The following RAPGEF2 variants were observed in gnomAD, a reference collection of about 807,000 sequenced individuals.
The protein encoded by RAPGEF2 is Rap guanine nucleotide exchange factor 2.
Under a neutral mutation model 186.7 loss-of-function variants are expected in RAPGEF2, and 54 were observed. The observed-to-expected ratio is 0.29, with a 90% CI of 0.23 to 0.36. RAPGEF2 has a LOEUF of 0.36. Among genes scored for constraint, RAPGEF2 ranks in the 10% least tolerant of loss-of-function variants. The pLI is 1.00. For missense variants in RAPGEF2, 1,532 were observed against 2,045.0 expected, an observed-to-expected ratio of 0.75 and a Z score of 4.84; for synonymous variants, 712 against 705.9, an observed-to-expected ratio of 1.01 and a Z score of -0.14.
rs554960314 is a variant in RAPGEF2 at position 159,214,915 on chromosome 4, T to C, written c.281+4332T>C. On this transcript the variant is annotated intron_variant, in intron 4 of 29. Transcript: ENST00000691494. ...TCTTACTCTGTTGTCCAGGCTGGAG[T>C]GTAGTGGCACAATCTCAGCTCACTG... Among the ~76,000 whole-genome samples, 7 of 152,198 alleles carry C rather than the reference T, an allele frequency of 4.6e-5. No homozygotes were observed. The East Asian group carries it at 1.2e-3, about 25-fold the overall frequency.
intron 1 of RAPGEF2, among the ~76,000 whole-genome samples, chr4:159,106,250 CTAAG>C (rs1162839268): frequency 6.6e-6 from 1 of 152,184 alleles, no homozygotes; most frequent in Non-Finnish European, 1.5e-5. Flanking sequence ...TCAAACATTC[CTAAG>C]TGTCAGCCCT....
chr4:159,314,839 A>G, intron 9 of RAPGEF2, 71 bp downstream of exon 9: 1 of 1,387,264 alleles, frequency 7.2e-7, no homozygotes, highest in Non-Finnish European at 9.9e-7. Flanking sequence ...CTGATGAAAT[A>G]GAGCCCAAGA....
intron 7 of RAPGEF2, among the ~76,000 whole-genome samples, chr4:159,256,666 A>G (rs1351434266): frequency 1.3e-5 from 2 of 152,178 alleles, no homozygotes; most frequent in African/African-American, 4.8e-5. Context: ...TCCCACCAAC[A>G]ATGTAAGTGT....
At position 159,116,954 on chromosome 4, in the gene RAPGEF2, G is replaced by A. The variant is rs568370413; in HGVS notation, c.69+12723G>A. Among the ~76,000 whole-genome samples, 3 of 152,132 alleles carry A rather than the reference G, an allele frequency of 2.0e-5. No individual in the cohort carries two copies. In the South Asian group the frequency reaches 6.2e-4, roughly 32 times the overall value. On this transcript the variant is annotated intron_variant, in intron 1 of 29. Transcript: ENST00000691494. ...TTAATAACTAGGTGATGGTTTGATGGGTGCAGCAAACCACCATGGCACACT... is the reference window on the plus strand; with the variant it reads ...TTAATAACTAGGTGATGGTTTGATGAGTGCAGCAAACCACCATGGCACACT...
At chr4:159,187,060 G>T (rs1380944920) in intron 2 of RAPGEF2, among the ~76,000 whole-genome samples, 1 of 152,094 alleles carries the variant, frequency 6.6e-6, no homozygotes, top group Non-Finnish European at 1.5e-5. Context: ...GAATTTTATA[G>T]ATCACTTACT....
intron 4 of RAPGEF2, among the ~76,000 whole-genome samples, chr4:159,218,647 A>G (rs1214511581): frequency 6.6e-6 from 1 of 151,892 alleles, no homozygotes; most frequent in Non-Finnish European, 1.5e-5. Flanking sequence ...AGTCCCAGCT[A>G]CTCGGGAGGA....
chr4:159,351,001 G>A lies in RAPGEF2; in HGVS notation c.3865+712G>A. 4 of 1,466,674 alleles carry A rather than the reference G, an allele frequency of 2.7e-6. No homozygotes were observed. The South Asian group carries it at 4.9e-5, about 18-fold the overall frequency. 90.9% of individuals were successfully genotyped at this position (1,466,674 alleles called of 1,614,324 possible). A position where few individuals can be genotyped will look rare whatever the true frequency, so the allele number is the denominator to read the frequency against. ...ATCTGTGCATTTTGTATGGGTATCA[G>A]TCTCTCCTGTCCTTGTTACATGGAT... On this transcript the variant is annotated intron_variant, in intron 26 of 29. Coordinates refer to ENST00000691494, the MANE Select transcript of RAPGEF2 (RefSeq NM_001394067.2).
chr4:159,120,023 CTTTTT>C (rs1457412437), intron 1 of RAPGEF2, among the ~76,000 whole-genome samples: 2 of 152,066 alleles, frequency 1.3e-5, no homozygotes, highest in Admixed American at 6.6e-5. Context: ...ATCATCATTT[CTTTTT>C]TGTTTGTTTT....
intron 9 of RAPGEF2, among the ~76,000 whole-genome samples, chr4:159,317,187 C>A (rs1207932098): frequency 2.0e-5 from 3 of 151,904 alleles, no homozygotes; most frequent in African/African-American, 2.4e-5. Context: ...CAAAAAAAAA[C>A]CAAAACCTTA....
chr4:159,129,777 A>G (rs960439997), intron 1 of RAPGEF2, among the ~76,000 whole-genome samples: 2 of 152,202 alleles, frequency 1.3e-5, no homozygotes, highest in Non-Finnish European at 2.9e-5. Context: ...AGGGGTCCCA[A>G]TCCGGACCCT....
chr4:159,110,413 C>G (rs957679121), intron 1 of RAPGEF2, among the ~76,000 whole-genome samples: 34 of 152,034 alleles, frequency 2.2e-4, no homozygotes, highest in African/African-American at 8.2e-4. Context: ...CATAGTGAAA[C>G]CCTATCTCTA....
chr4:159,209,125 C>T (rs1750254095), intron 3 of RAPGEF2, among the ~76,000 whole-genome samples: 1 of 148,350 alleles, frequency 6.7e-6, no homozygotes, highest in South Asian at 2.1e-4. Flanking sequence ...CTCCTGACCT[C>T]AGGTGATCCG....
At chr4:159,243,460 C>T (rs560851567) in intron 6 of RAPGEF2, among the ~76,000 whole-genome samples, 238 of 151,940 alleles carry the variant, frequency 1.6e-3, no homozygotes, top group African/African-American at 5.0e-3. Flanking sequence ...ATTACCCCTA[C>T]GCCATATTTA....
chr4:159,316,158 G>C (rs192745889), intron 9 of RAPGEF2, among the ~76,000 whole-genome samples: 1 of 152,108 alleles, frequency 6.6e-6, no homozygotes, highest in Non-Finnish European at 1.5e-5. Context: ...CAGAAGGCTC[G>C]CACTCTTGTC....
At chr4:159,294,036 T>C (rs1761595460) in intron 7 of RAPGEF2, among the ~76,000 whole-genome samples, 1 of 152,220 alleles carries the variant, frequency 6.6e-6, no homozygotes, top group South Asian at 2.1e-4. Flanking sequence ...AAGAGAGCAC[T>C]GGTGAATAGC....
At chr4:159,313,313 G>C (rs1338175292) in intron 8 of RAPGEF2, among the ~76,000 whole-genome samples, 1 of 152,192 alleles carries the variant, frequency 6.6e-6, no homozygotes, top group Non-Finnish European at 1.5e-5. Context: ...CAGAATTCCT[G>C]GGTTGTAGTC....
chr4:159,311,018 G>A (rs1002449270), intron 8 of RAPGEF2, among the ~76,000 whole-genome samples: 2 of 151,682 alleles, frequency 1.3e-5, no homozygotes, highest in African/African-American at 2.4e-5. Flanking sequence ...TGAGAATGTC[G>A]AGCAAAGTGC....
chr4:159,319,216 G>A (rs916114391), intron 9 of RAPGEF2, among the ~76,000 whole-genome samples: 1 of 152,144 alleles, frequency 6.6e-6, no homozygotes, highest in Non-Finnish European at 1.5e-5. Context: ...TAGGAACTAG[G>A]CCGCACAGCA....
intron 1 of RAPGEF2, among the ~76,000 whole-genome samples, chr4:159,154,978 T>A (rs1313234806): frequency 1.3e-5 from 2 of 152,216 alleles, no homozygotes; most frequent in Non-Finnish European, 2.9e-5. Flanking sequence ...AACCACTTTT[T>A]AAGTAGCTTA....
Sources: gnomAD v4.1 joint callset for allele counts (sites outside exome capture counted in the v4.1 genomes callset) on GRCh38, gnomAD v4.1.1 for gene constraint, MANE v1.5 for transcripts, NCBI Gene and HGNC (gene_info 2026-07-23, HGNC 2026-07-21) for gene names.